Variants in KCNQ1 observed in about 807,000 individuals in gnomAD.
KCNQ1 encodes potassium voltage-gated channel subfamily Q member 1.
Under a neutral mutation model 72.4 loss-of-function variants are expected in KCNQ1, and 49 were observed. The observed-to-expected ratio is 0.68, with a 90% confidence interval of 0.54 to 0.86. The LOEUF (loss-of-function observed/expected upper bound fraction) is 0.86. Among genes scored for constraint, KCNQ1 ranks in the 40% least tolerant of loss-of-function variants. The probability of loss-of-function intolerance (pLI) is 0.00; values close to 1 mark genes in which losing one functional copy is unlikely to be tolerated. For missense variants in KCNQ1, 790 were observed against 945.1 expected (o/e 0.84, Z 2.15); for synonymous variants, 450 against 412.6 (o/e 1.09, Z -1.10).
chr11:2,543,365 C>T lies in KCNQ1; in HGVS notation c.477+15347C>T, dbSNP rs1466711357. 6.6e-6 allele frequency among the ~76,000 whole-genome samples: 1 copy of T among 152,068 alleles called. No individual in the cohort carries two copies. Among genetic ancestry groups the T allele is most frequent in the East Asian group, 1.9e-4 (1 of 5,176 alleles). On this transcript the variant is annotated intron_variant, in intron 2 of 15. Coordinates refer to ENST00000155840, the MANE Select transcript of KCNQ1 (RefSeq NM_000218.3). The surrounding 1 kb of genome is among the most constrained non-coding windows in gnomAD (Gnocchi z 5.6). Reference sequence around the variant, plus strand: ...CGTAGCTCACTGCAACCTCGAATTCCTGGGCTCCGAGGATCCTCCCACCTC... The same window carrying T: ...CGTAGCTCACTGCAACCTCGAATTCTTGGGCTCCGAGGATCCTCCCACCTC...
rs1453922412 is a variant in KCNQ1 at position 2,588,681 on chromosome 11, G to A, written c.1252-32G>A. ...GTAGGGCCTGGCAGACGATGTCCAGGAACCGCTAATCTGTTGTCTTGTTTT... is the reference window on the plus strand; with the variant it reads ...GTAGGGCCTGGCAGACGATGTCCAGAAACCGCTAATCTGTTGTCTTGTTTT... On this transcript the variant is annotated intron_variant, in intron 9 of 15. Transcript: ENST00000155840. This position sits in a 1 kb window ranked among gnomAD's most constrained non-coding sequence, Gnocchi z 5.6. 6.2e-7 allele frequency: 1 copy of A among 1,612,172 alleles called. No homozygotes were observed. The highest frequency in any genetic ancestry group is 2.2e-5 in the East Asian group (1 of 44,868).
At chr11:2,699,597 C>A (rs978932033) in intron 11 of KCNQ1, 13 of 346,222 alleles carry the variant, frequency 3.8e-5, no homozygotes, top group African/African-American at 2.5e-4. Context: ...AACAGAACCG[C>A]GGCGAGAGGC....
intron 2 of KCNQ1, among the ~76,000 whole-genome samples, chr11:2,552,352 T>C (rs1307740778): frequency 1.3e-5 from 2 of 152,214 alleles, no homozygotes; most frequent in African/African-American, 2.4e-5. Flanking sequence ...TTTTTCCCAT[T>C]GAATTACTTT....
chr11:2,766,315 TAC>T lies in KCNQ1; in HGVS notation c.1515-2528_1515-2527del, dbSNP rs1157116594. Among the ~76,000 whole-genome samples the T allele has an allele frequency of 2.1e-4, 32 of 152,222 alleles. No homozygotes were observed. Among genetic ancestry groups the T allele is most frequent in the African/African-American group, 7.2e-4 (30 of 41,476 alleles). ...TCACTTGGATTCGATGACATGGCAG[TAC>T]TTGCATGGTGATGTGGTGGTGGCTG... On this transcript the variant is annotated intron_variant, in intron 11 of 15. Transcript: ENST00000155840. The surrounding 1 kb of genome is among the most constrained non-coding windows in gnomAD (Gnocchi z 4.4).
Position 2,711,823 on chromosome 11 carries a change from G to A in KCNQ1, c.1514+49742G>A, listed in dbSNP as rs1187274509. ...ATCCACTCAGCAGACTTAGGAGGGA[G>A]GGTCCTGGCACTGCTTCTGAGGAGG... On this transcript the variant is annotated intron_variant, in intron 11 of 15. Coordinates refer to ENST00000155840, the MANE Select transcript of KCNQ1 (RefSeq NM_000218.3). This position sits in a 1 kb window ranked among gnomAD's most constrained non-coding sequence, Gnocchi z 5.4. Among the ~76,000 whole-genome samples, 1 of 152,206 alleles carries A rather than the reference G, an allele frequency of 6.6e-6. No homozygotes were observed. The highest frequency in any genetic ancestry group is 2.4e-5 in the African/African-American group (1 of 41,446).
intron 11 of KCNQ1, among the ~76,000 whole-genome samples, chr11:2,731,642 A>T (rs889154335): frequency 1.4e-4 from 21 of 152,168 alleles, no homozygotes; most frequent in Non-Finnish European, 3.1e-4. Flanking sequence ...GGTCATGGAG[A>T]TCAGGTTCCT....
rs377350869 is a variant in KCNQ1 at position 2,527,910 on chromosome 11, C to A, written c.387-18C>A. On this transcript the variant is annotated intron_variant, in intron 1 of 15. Transcript: ENST00000155840. ...GGGCAGAGGCCGTGATGCTGACTGC[C>A]GTGTCCCTGTCTTGCAGCTTCCTCA... 2 of 1,610,988 alleles carry A rather than the reference C, an allele frequency of 1.2e-6. No homozygotes were observed. The highest frequency in any genetic ancestry group is 1.7e-6 in the Non-Finnish European group (2 of 1,177,386).
Position 2,559,207 on chromosome 11 carries a change from G to T in KCNQ1, c.478-11421G>T, listed in dbSNP as rs1422907678. On this transcript the variant is annotated intron_variant, in intron 2 of 15. Coordinates refer to ENST00000155840, the MANE Select transcript of KCNQ1 (RefSeq NM_000218.3). This position sits in a 1 kb window ranked among gnomAD's most constrained non-coding sequence, Gnocchi z 4.9. ...AAGCCTACCAGGCAGTCTTCCCAGAGGTGCTTCCCGGGAAGCCCGTGGAGA... is the reference window on the plus strand; with the variant it reads ...AAGCCTACCAGGCAGTCTTCCCAGATGTGCTTCCCGGGAAGCCCGTGGAGA... Among the ~76,000 whole-genome samples, 1 of 152,062 alleles carries T rather than the reference G, an allele frequency of 6.6e-6. No individual in the cohort carries two copies. Among genetic ancestry groups the T allele is most frequent in the Non-Finnish European group, 1.5e-5 (1 of 67,998 alleles).
intron 11 of KCNQ1, among the ~76,000 whole-genome samples, chr11:2,742,615 T>C (rs1486098348): frequency 1.3e-5 from 2 of 152,222 alleles, no homozygotes; most frequent in Non-Finnish European, 2.9e-5. Context: ...GTTTACCGAT[T>C]TGGTTTTCTG....
chr11:2,504,934 G>C (rs1032228636), intron 1 of KCNQ1, among the ~76,000 whole-genome samples: 5 of 152,002 alleles, frequency 3.3e-5, no homozygotes, highest in African/African-American at 1.2e-4. Context: ...AAAGCAAAAA[G>C]AAAAAGAGCT....
intron 1 of KCNQ1, among the ~76,000 whole-genome samples, chr11:2,523,388 C>T (rs950901680): frequency 6.6e-6 from 1 of 152,078 alleles, no homozygotes; most frequent in Non-Finnish European, 1.5e-5. Context: ...TTAGTAGAGA[C>T]GGGGTTTCAC....
At position 2,462,660 on chromosome 11, in the gene KCNQ1, A is replaced by G. The variant is rs1373745467; in HGVS notation, c.386+17176A>G. ...GGGCCTGCTCTCTTGGTAGGGGTTGACCCTGCCTGTGACTTAGACAGCTTG... is the reference window on the plus strand; with the variant it reads ...GGGCCTGCTCTCTTGGTAGGGGTTGGCCCTGCCTGTGACTTAGACAGCTTG... On this transcript the variant is annotated intron_variant, in intron 1 of 15. Transcript: ENST00000155840. The surrounding 1 kb of genome is among the most constrained non-coding windows in gnomAD (Gnocchi z 8.2). Among the ~76,000 whole-genome samples, 1 of 147,686 alleles carries G rather than the reference A, an allele frequency of 6.8e-6. No individual in the cohort carries two copies. Among genetic ancestry groups the G allele is most frequent in the African/African-American group, 2.5e-5 (1 of 39,406 alleles).
intron 10 of KCNQ1, chr11:2,635,515 G>T (rs1049913513): frequency 1.3e-5 from 2 of 151,986 alleles, no homozygotes; most frequent in Admixed American, 1.3e-4. Context: ...TATTTCTGAG[G>T]GCTCTGTTCT....
chr11:2,539,538 G>A (rs922345455), intron 2 of KCNQ1, among the ~76,000 whole-genome samples: 3 of 152,180 alleles, frequency 2.0e-5, no homozygotes, highest in African/African-American at 4.8e-5. Flanking sequence ...GAGCCAAGCC[G>A]ATGGCTGTGC....
chr11:2,761,249 T>G (rs1451869764), intron 11 of KCNQ1, among the ~76,000 whole-genome samples: 1 of 151,716 alleles, frequency 6.6e-6, no homozygotes, highest in Non-Finnish European at 1.5e-5. Context: ...GTTCCTCCGG[T>G]CAATGGTCTG....
chr11:2,637,997 C>A (rs1328743683), intron 10 of KCNQ1: 1 of 152,190 alleles, frequency 6.6e-6, no homozygotes, highest in Non-Finnish European at 1.5e-5. Flanking sequence ...ACTAGGATTG[C>A]AACCCCTGCC....
At chr11:2,584,226 GTATT>G (rs1350133332) in intron 7 of KCNQ1, among the ~76,000 whole-genome samples, 15 of 151,766 alleles carry the variant, frequency 9.9e-5, no homozygotes, top group South Asian at 8.4e-4. Context: ...TTGCATATGT[GTATT>G]TATGTATCTG....
chr11:2,697,994 CTGAG>C (rs1480796885), intron 11 of KCNQ1: 2 of 398,546 alleles, frequency 5.0e-6, no homozygotes, highest in Non-Finnish European at 8.8e-6. Flanking sequence ...TTTTCTCCTA[CTGAG>C]TATCTGGAAA....
intron 11 of KCNQ1, among the ~76,000 whole-genome samples, chr11:2,749,890 A>T (rs12287110): frequency 0.15 from 22,316 of 150,952 alleles, 1,834 homozygotes; most frequent in East Asian, 0.29. Context: ...AGGCGGGGAA[A>T]CACTTGAACC....
Sources: gnomAD v4.1 joint callset for allele counts (sites outside exome capture counted in the v4.1 genomes callset) on GRCh38, gnomAD v4.1.1 for gene constraint, Gnocchi (gnomAD v3.1) non-coding constraint, MANE v1.5 for transcripts, NCBI Gene and HGNC (gene_info 2026-07-23, HGNC 2026-07-21) for gene names.